PPP1CB: variants seen among roughly 807,000 people sequenced by gnomAD.
PPP1CB encodes the protein protein phosphatase 1 catalytic subunit beta, also known as serine/threonine-protein phosphatase PP1-beta catalytic subunit.
PPP1CB carries 2 observed loss-of-function variants against 43.7 expected under a neutral mutation model. That is an observed-to-expected ratio of 0.05 (90% confidence interval 0.02 to 0.14). PPP1CB has a LOEUF of 0.14. Ranked by LOEUF, PPP1CB falls within the 10% of genes least tolerant of loss-of-function variation. PPP1CB has a pLI of 1.00. For synonymous variants in PPP1CB, 136 were observed against 135.6 expected, an observed-to-expected ratio of 1.00 and a Z score of -0.02; for missense variants, 84 against 398.0, an observed-to-expected ratio of 0.21 and a Z score of 6.71.
At chr2:28,756,675 G>A (rs1003879827) in intron 1 of PPP1CB, among the ~76,000 whole-genome samples, 1 of 152,024 alleles carries the variant, frequency 6.6e-6, no homozygotes, top group Non-Finnish European at 1.5e-5. Flanking sequence ...GTAGAGACGG[G>A]GTCTCCCTAT....
intron 4 of PPP1CB, among the ~76,000 whole-genome samples, chr2:28,782,278 A>G (rs889945629): frequency 6.6e-6 from 1 of 152,168 alleles, no homozygotes; most frequent in African/African-American, 2.4e-5. Flanking sequence ...TAATAAAATA[A>G]TCTTTGGCAG....
At chr2:28,772,634 T>A (rs1020506583) in intron 1 of PPP1CB, among the ~76,000 whole-genome samples, 25 of 152,224 alleles carry the variant, frequency 1.6e-4, no homozygotes, top group African/African-American at 5.8e-4. Flanking sequence ...AGTAAAGATA[T>A]TGTCATATGT....
intron 1 of PPP1CB, among the ~76,000 whole-genome samples, chr2:28,764,876 A>G (rs1378565371): frequency 1.3e-5 from 2 of 151,974 alleles, no homozygotes; most frequent in East Asian, 1.9e-4. Flanking sequence ...AGCCAAGATC[A>G]TGCCATTATA....
intron 1 of PPP1CB, among the ~76,000 whole-genome samples, chr2:28,758,158 A>G (rs939138026): frequency 2.0e-5 from 3 of 149,992 alleles, no homozygotes; most frequent in Non-Finnish European, 4.4e-5. Context: ...TGATCCTTCT[A>G]CCTCAGCCTC....
intron 7 of PPP1CB, 57 bp downstream of exon 7, chr2:28,794,054 A>C (rs1200234025): frequency 4.2e-6 from 6 of 1,438,904 alleles, no homozygotes; most frequent in Non-Finnish European, 5.7e-6. Context: ...CTATTATCAG[A>C]ATTCGTTTTA....
intron 3 of PPP1CB, among the ~76,000 whole-genome samples, chr2:28,780,893 G>A (rs1042921709): frequency 1.3e-5 from 2 of 149,694 alleles, no homozygotes; most frequent in African/African-American, 4.9e-5. Context: ...TTGCTATAGT[G>A]CCAAGTTGTA....
intron 7 of PPP1CB, among the ~76,000 whole-genome samples, chr2:28,797,335 G>A (rs1558312816): frequency 6.6e-6 from 1 of 152,146 alleles, no homozygotes; most frequent in Non-Finnish European, 1.5e-5. Flanking sequence ...AATAGTTTCA[G>A]TAGGATTGGT....
chr2:28,771,266 C>G (rs1010174008), intron 1 of PPP1CB, among the ~76,000 whole-genome samples: 1 of 152,022 alleles, frequency 6.6e-6, no homozygotes, highest in Non-Finnish European at 1.5e-5. Flanking sequence ...GTTGGCCAGG[C>G]TGGTCTCTTC....
intron 1 of PPP1CB, among the ~76,000 whole-genome samples, chr2:28,769,248 A>G (rs576407766): frequency 8.5e-5 from 13 of 152,242 alleles, no homozygotes; most frequent in African/African-American, 2.9e-4. Flanking sequence ...TTCTTTATTT[A>G]TTTTGAGATG....
intron 3 of PPP1CB, 140 bp from the exon 4 acceptor site, chr2:28,781,598 G>T: frequency 8.3e-6 from 5 of 605,998 alleles, no homozygotes; most frequent in Non-Finnish European, 1.2e-5. Flanking sequence ...TAACATCTTT[G>T]CATTGTAGAA....
intron 1 of PPP1CB, among the ~76,000 whole-genome samples, chr2:28,766,780 C>T (rs1252668710): frequency 6.6e-6 from 1 of 152,128 alleles, no homozygotes; most frequent in Non-Finnish European, 1.5e-5. Context: ...AGGCTAATGG[C>T]GTTTAAAAGT....
chr2:28,769,427 G>C (rs12714243), intron 1 of PPP1CB, among the ~76,000 whole-genome samples: 1 of 151,934 alleles, frequency 6.6e-6, no homozygotes, highest in Non-Finnish European at 1.5e-5. Context: ...GTAGAGGCAG[G>C]GTTTCTCCAT....
At chr2:28,784,120 T>A in intron 5 of PPP1CB, 142 bp downstream of exon 5, 1 of 564,342 alleles carries the variant, frequency 1.8e-6, no homozygotes, top group Non-Finnish European at 3.1e-6. Context: ...CAGATTACTT[T>A]ATTTGCAGTA....
At chr2:28,766,684 C>G (rs900342128) in intron 1 of PPP1CB, among the ~76,000 whole-genome samples, 1 of 152,172 alleles carries the variant, frequency 6.6e-6, no homozygotes, top group Non-Finnish European at 1.5e-5. Context: ...CAAGGAACAC[C>G]ACTCAGAACC....
chr2:28,798,877 T>C (rs1415978567), intron 7 of PPP1CB, among the ~76,000 whole-genome samples: 1 of 152,090 alleles, frequency 6.6e-6, no homozygotes, highest in Admixed American at 6.6e-5. Flanking sequence ...GTATCAGAAT[T>C]ATGATGACAA....
In PPP1CB at chr2:28,761,106, A is replaced by G. The variant is rs538157302; in HGVS notation, c.52+8930A>G. ...TAGTAGTAGAGATGGGATTTCACTAAATCTCGAACACCTGACCTTGTGATT... is the reference window on the plus strand; with the variant it reads ...TAGTAGTAGAGATGGGATTTCACTAGATCTCGAACACCTGACCTTGTGATT... On this transcript the variant is annotated intron_variant, in intron 1 of 7. Coordinates refer to ENST00000395366, the MANE Select transcript of PPP1CB (RefSeq NM_002709.3). Among the ~76,000 whole-genome samples the G allele has an allele frequency of 1.1e-3, 173 of 152,134 alleles. 1 individual carries two copies. Among genetic ancestry groups the G allele is most frequent in the Non-Finnish European group, 1.6e-3 (111 of 67,966 alleles).
chr2:28,780,847 A>G lies in PPP1CB; in HGVS notation c.416-891A>G, dbSNP rs570933240. 7.2e-5 allele frequency among the ~76,000 whole-genome samples: 11 copies of G among 152,346 alleles called. No homozygotes were observed. The East Asian group carries it at 1.7e-3, about 24-fold the overall frequency. On this transcript the variant is annotated intron_variant, in intron 3 of 7. Transcript: ENST00000395366. ...TTGTCGTAGCTTTTTATGCTAGGCT[A>G]CAGGAAAATTATAGCCTTTGTGCCT... is the stretch of plus-strand genomic sequence containing the variant.
At position 28,800,254 on chromosome 2, in the gene PPP1CB, T is replaced by TTTTGTTTTTTTTTTTTGA. The variant is rs1667586580; in HGVS notation, c.*951_*952insTTTGTTTTTTTTTTTTGA. 1 of 135,602 alleles carries TTTTGTTTTTTTTTTTTGA rather than the reference T, an allele frequency of 7.4e-6. No individual in the cohort carries two copies. The highest frequency in any genetic ancestry group is 2.8e-5 in the African/African-American group (1 of 35,350). The allele number at this position is 135,602 out of a possible 1,614,324, so 8.4% of individuals were successfully genotyped here. ...TTTTTTTTTTTTTTTTTTTTTGAGT[T>TTTTGTTTTTTTTTTTTGA]GTTGTTTGTTTTTAGATCCACAGTA... On this transcript the variant is annotated 3_prime_UTR_variant, in exon 8 of 8. Coordinates refer to ENST00000395366, the MANE Select transcript of PPP1CB (RefSeq NM_002709.3).
chr2:28,762,236 G>A (rs545278347), intron 1 of PPP1CB, among the ~76,000 whole-genome samples: 5 of 152,334 alleles, frequency 3.3e-5, no homozygotes, highest in Admixed American at 1.3e-4. Flanking sequence ...AGTGAGCTGA[G>A]ATTGCGCCAC....
Sources: allele counts gnomAD v4.1 joint callset (sites outside exome capture counted in the v4.1 genomes callset), GRCh38; gene constraint gnomAD v4.1.1; transcripts MANE v1.5; gene names NCBI Gene and HGNC (gene_info 2026-07-23, HGNC 2026-07-21).